Variants in MGAM2 observed in about 807,000 individuals in gnomAD.
MGAM2 encodes probable maltase-glucoamylase 2.
MGAM2 carries 98 observed loss-of-function variants against 96.1 expected under a neutral mutation model. The ratio of observed to expected loss-of-function variants is 1.02; its 90% CI spans 0.87 to 1.21. The LOEUF (loss-of-function observed/expected upper bound fraction) is 1.21, where lower values mean the gene tolerates loss of function less well. MGAM2 is among the 50% of genes most tolerant of loss of function. MGAM2 has a pLI of 0.00. For synonymous variants in MGAM2, 749 were observed against 414.8 expected, an observed-to-expected ratio of 1.81 and a Z score of -9.79; for missense variants, 2,055 against 1,182.4, an observed-to-expected ratio of 1.74 and a Z score of -10.82.
chr7:142,121,572 T>A (rs961811598), intron 3 of MGAM2, among the ~76,000 whole-genome samples: 6 of 152,074 alleles, frequency 3.9e-5, no homozygotes, highest in Non-Finnish European at 5.9e-5. Context: ...GTATTTCACA[T>A]CCTTGGTTTC....
At chr7:142,124,291 G>T (rs796890888) in intron 3 of MGAM2, among the ~76,000 whole-genome samples, 3 of 151,576 alleles carry the variant, frequency 2.0e-5, no homozygotes, top group Admixed American at 6.6e-5. Context: ...TTTTTTTCTT[G>T]AATTTTTAAT....
At chr7:142,160,650 A>G (rs1014496639) in intron 21 of MGAM2, among the ~76,000 whole-genome samples, 1 of 151,494 alleles carries the variant, frequency 6.6e-6, no homozygotes, top group African/African-American at 2.4e-5. Flanking sequence ...CTCAGATTCT[A>G]CAGAACCTGG....
rs1303657634 is a variant in MGAM2, at chr7:142,170,141, G to T, written c.3094G>T (p.Gly1032Cys). 1 of 702,850 alleles carries T rather than the reference G, an allele frequency of 1.4e-6. No individual in the cohort carries two copies. Among genetic ancestry groups the T allele is most frequent in the Non-Finnish European group, 2.6e-6 (1 of 384,928 alleles). 43.5% of individuals were successfully genotyped at this position (702,850 alleles called of 1,614,324 possible). The change falls in exon 27 of 48, where the codon GGT (glycine) becomes TGT (cysteine). Residue 1032 changes from glycine to cysteine, a missense_variant. By Grantham distance (159) the Gly-to-Cys change is radical. Coordinates refer to ENST00000477922, the MANE Select transcript of MGAM2 (RefSeq NM_001293626.2). The part of the protein sequence containing the change: ...VPLNTPPQPV[G>C]DPENRLYDVR... ...ACTGAACACCCCTCCCCAACCAGTT[G>T]GTGACCCTGAAAACCGTCTGTATGA...
At chr7:142,199,833 C>T in intron 44 of MGAM2, 47 bp from the exon 45 acceptor site, 1 of 646,270 alleles carries the variant, frequency 1.5e-6, no homozygotes. Flanking sequence ...TTTATTCTTA[C>T]AACCTACAAT....
chr7:142,173,182 G>C (rs1247321705), intron 30 of MGAM2, 47 bp from the exon 31 acceptor site: 1 of 700,780 alleles, frequency 1.4e-6, no homozygotes, highest in East Asian at 2.7e-5. Flanking sequence ...CAATCACCTT[G>C]TCTTCCCTAA....
chr7:142,161,821 G>T (rs1376345784), intron 22 of MGAM2, 134 bp from the exon 23 acceptor site: 7 of 487,282 alleles, frequency 1.4e-5, no homozygotes, highest in Non-Finnish European at 2.5e-5. Flanking sequence ...GCAGAAGTTT[G>T]AAAAAAATGC....
In MGAM2 at chr7:142,181,393, C is replaced by T. The variant is rs558347277; in HGVS notation, c.3817-1873C>T. ...TTTTTGTTTGGTGGTGTAATTTAGG[C>T]TGCGATACAGTAGATGGTGTTTAAG... On this transcript the variant is annotated intron_variant, in intron 32 of 47. Transcript: ENST00000477922. Among the ~76,000 whole-genome samples the T allele has an allele frequency of 2.6e-5, 4 of 152,200 alleles. No homozygotes were observed. The East Asian group carries it at 7.7e-4, about 29-fold the overall frequency.
At position 142,130,266 on chromosome 7, in the gene MGAM2, C is replaced by T. The variant is rs1480237631; in HGVS notation, c.187-682C>T. 2.0e-5 allele frequency among the ~76,000 whole-genome samples: 3 copies of T among 152,266 alleles called. No individual in the cohort carries two copies. In the East Asian group the frequency reaches 5.8e-4, roughly 29 times the overall value. On this transcript the variant is annotated intron_variant, in intron 3 of 47. Transcript: ENST00000477922. ...TTTTAATCGTCTCTAGTTTTCTTAG[C>T]TTCACTTTGCTTACTTTTTGGAAAT...
chr7:142,196,708 A>G lies in MGAM2; in HGVS notation c.4524A>G (p.Ala1508=), dbSNP rs1345394302. 1.3e-6 allele frequency: 1 copy of G among 787,692 alleles called. No individual in the cohort carries two copies. Among genetic ancestry groups the G allele is most frequent in the Non-Finnish European group, 2.4e-6 (1 of 424,768 alleles). The allele number at this position is 787,692 out of a possible 1,614,324, so 48.8% of individuals were successfully genotyped here. A position where few individuals can be genotyped will look rare whatever the true frequency, so the allele number is the denominator to read the frequency against. Residue 1508 remains alanine, a synonymous_variant, in exon 40 of 48, where the codon GCA becomes GCG. Coordinates refer to ENST00000477922, the MANE Select transcript of MGAM2 (RefSeq NM_001293626.2). ...ATTATGCATCTTCTCAGACAGGAGCAGATATCTGTGGGTTCTTTGGAGATG... is the reference window on the plus strand; with the variant it reads ...ATTATGCATCTTCTCAGACAGGAGCGGATATCTGTGGGTTCTTTGGAGATG... ...FSLFGIPYTG[A]DICGFFGDAE...
chr7:142,157,208 G>T (rs1795760392), intron 17 of MGAM2, among the ~76,000 whole-genome samples: 1 of 151,502 alleles, frequency 6.6e-6, no homozygotes. Context: ...ATAAGGCAAT[G>T]GATTTTTTTT....
intron 37 of MGAM2, among the ~76,000 whole-genome samples, chr7:142,194,696 ATGTGTGTG>A (rs72262078): frequency 3.6e-5 from 5 of 138,458 alleles, no homozygotes; most frequent in East Asian, 4.0e-4. Flanking sequence ...ACATGTGTGT[ATGTGTGTG>A]TGTGTGTGTG....
intron 19 of MGAM2, 72 bp downstream of exon 19, chr7:142,158,404 G>T (rs1387985174): frequency 5.8e-6 from 4 of 687,596 alleles, no homozygotes; most frequent in Admixed American, 4.2e-5. Context: ...GGATAAGTTG[G>T]TTCCTATCTA....
intron 37 of MGAM2, among the ~76,000 whole-genome samples, chr7:142,193,572 G>A (rs1272800604): frequency 2.0e-5 from 3 of 152,140 alleles, no homozygotes; most frequent in African/African-American, 7.2e-5. Flanking sequence ...TGACCTTGAG[G>A]TTCACAATAT....
intron 1 of MGAM2, among the ~76,000 whole-genome samples, chr7:142,112,658 C>T (rs946116605): frequency 3.3e-5 from 5 of 152,188 alleles, no homozygotes; most frequent in African/African-American, 1.2e-4. Flanking sequence ...TATTCAAGTA[C>T]TATTTTAAAA....
chr7:142,171,249 C>T (rs759279526), intron 27 of MGAM2, 23 bp from the exon 28 acceptor site: 17 of 701,834 alleles, frequency 2.4e-5, no homozygotes, highest in Middle Eastern at 2.3e-4. Context: ...TCCAGCTCAG[C>T]GTGATCTGCT....
At position 142,221,947 on chromosome 7, in the gene MGAM2, C is replaced by T. The variant is rs866418110; in HGVS notation, c.7436C>T (p.Thr2479Ile). 3 of 399,352 alleles carry T rather than the reference C, an allele frequency of 7.5e-6. No individual in the cohort carries two copies. Among genetic ancestry groups the T allele is most frequent in the Non-Finnish European group, 1.3e-5 (3 of 226,700 alleles). 24.7% of individuals were successfully genotyped at this position (399,352 alleles called of 1,614,324 possible). A position where few individuals can be genotyped will look rare whatever the true frequency, so the allele number is the denominator to read the frequency against. ...GCAACTAGTGCTACCACAGATACTA[C>T]AAATATTACAAAATATGCTTTAAAT... ...ITATSATTDT[T>I]NITKYALNTT... Residue 2479 changes from threonine (T) to isoleucine (I), a missense_variant, in exon 48 of 48, where the codon ACA (threonine) becomes ATA (isoleucine). Thr to Ile is a moderately conservative substitution (Grantham distance 89). Coordinates refer to ENST00000477922, the MANE Select transcript of MGAM2 (RefSeq NM_001293626.2).
chr7:142,150,831 T>C (rs986239979), intron 15 of MGAM2, among the ~76,000 whole-genome samples: 2 of 152,164 alleles, frequency 1.3e-5, no homozygotes, highest in Admixed American at 1.3e-4. Context: ...TCTTACAATT[T>C]TTCTCTCACC....
intron 5 of MGAM2, 77 bp from the exon 6 acceptor site, chr7:142,131,854 A>G (rs1484394949): frequency 1.6e-6 from 1 of 631,354 alleles, no homozygotes; most frequent in Admixed American, 2.6e-5. Flanking sequence ...GTCATTTGAG[A>G]TGGAACATCT....
At chr7:142,159,248 G>C (rs1795821260) in intron 19 of MGAM2, 39 bp from the exon 20 acceptor site, 3 of 700,238 alleles carry the variant, frequency 4.3e-6, no homozygotes, top group Non-Finnish European at 7.8e-6. Context: ...ACTGTAGAGA[G>C]GGGTATGCTA....
Sources: gnomAD v4.1 joint callset for allele counts (sites outside exome capture counted in the v4.1 genomes callset) on GRCh38, gnomAD v4.1.1 for gene constraint, MANE v1.5 for transcripts, NCBI Gene and HGNC (gene_info 2026-07-23, HGNC 2026-07-21) for gene names.